The following ANKRD11 variants were observed in gnomAD, a reference collection of about 807,000 sequenced individuals.
ANKRD11 encodes the protein ankyrin repeat domain 11, also known as ankyrin repeat domain-containing protein 11.
In ANKRD11, 17 loss-of-function variants were observed where a neutral mutation model predicts 195.7. That is an observed-to-expected ratio of 0.09 (90% CI 0.06 to 0.13). The LOEUF is 0.13. ANKRD11 is among the 10% of genes least tolerant of loss of function. ANKRD11 has a pLI of 1.00. For missense variants in ANKRD11, 3,735 were observed against 3,566.1 expected, an observed-to-expected ratio of 1.05 and a Z score of -1.21; for synonymous variants, 1,953 against 1,528.1, an observed-to-expected ratio of 1.28 and a Z score of -6.49.
chr16:89,418,131 C>G (rs1371861453), intron 2 of ANKRD11, among the ~76,000 whole-genome samples, 153 bp downstream of exon 2: 1 of 152,212 alleles, frequency 6.6e-6, no homozygotes, highest in East Asian at 1.9e-4. Flanking sequence ...TGAATACACT[C>G]TAAGTGAAAT....
intron 2 of ANKRD11, among the ~76,000 whole-genome samples, chr16:89,402,709 T>G (rs1395374595): frequency 2.9e-5 from 3 of 103,180 alleles, no homozygotes; most frequent in Non-Finnish European, 6.0e-5. Flanking sequence ...TCTGCGAGGT[T>G]AGGAGAGGGG....
In ANKRD11 at chr16:89,281,364, G is replaced by A. The variant is rs200783129; in HGVS notation, c.5178C>T (p.Ser1726=). 62 of 1,610,532 alleles carry A rather than the reference G, an allele frequency of 3.8e-5. No individual in the cohort carries two copies. The African/African-American group carries it at 6.7e-4, about 17-fold the overall frequency. ...EEVMHTPRTP[S]CSADDYADLV... ...GGTCCGCGTAGTCATCGGCGCTGCAGGACGGGGTCCTGGGCGTGTGCATCA... is the reference window on the plus strand; with the variant it reads ...GGTCCGCGTAGTCATCGGCGCTGCAAGACGGGGTCCTGGGCGTGTGCATCA... The change falls in exon 9 of 13, where the codon TCC becomes TCT. Residue 1726 remains serine, a synonymous_variant. Coordinates refer to ENST00000301030, the MANE Select transcript of ANKRD11 (RefSeq NM_013275.6). This position sits in a 1 kb window ranked among gnomAD's most constrained non-coding sequence, Gnocchi z 5.5.
At chr16:89,271,043 C>A in intron 11 of ANKRD11, 134 bp from the exon 12 acceptor site, 1 of 799,268 alleles carries the variant, frequency 1.3e-6, no homozygotes, top group Non-Finnish European at 2.1e-6. Flanking sequence ...ACCGCGCACA[C>A]ACTGAATCAT....
intron 1 of ANKRD11, among the ~76,000 whole-genome samples, chr16:89,435,353 A>G (rs968469695): frequency 6.6e-6 from 1 of 152,228 alleles, no homozygotes; most frequent in African/African-American, 2.4e-5. Flanking sequence ...AGCTGGCCAC[A>G]TGAGCCAGCA....
chr16:89,278,804 G>T (rs564833764), intron 9 of ANKRD11: 1 of 647,782 alleles, frequency 1.5e-6, no homozygotes, highest in Non-Finnish European at 2.9e-6. Flanking sequence ...GAGTGGGACC[G>T]GGGTGCACCC....
rs1216244588 is a variant in ANKRD11, at chr16:89,291,271, C to T, written c.227-88G>A. ...GGTCCTTACCTAATGTTACGGAGCC[C>T]CCTGCGTCCACCTGACAGCTGACAG... is the stretch of plus-strand genomic sequence containing the variant. On this transcript the variant is annotated intron_variant, in intron 4 of 12. Transcript: ENST00000301030. The surrounding 1 kb of genome is among the most constrained non-coding windows in gnomAD (Gnocchi z 5.3). The T allele has an allele frequency of 2.0e-6, 3 of 1,506,276 alleles. No homozygotes were observed. Among genetic ancestry groups the T allele is most frequent in the African/African-American group, 2.8e-5 (2 of 72,608 alleles). The allele number at this position is 1,506,276 out of a possible 1,614,324, so 93.3% of individuals were successfully genotyped here.
intron 2 of ANKRD11, among the ~76,000 whole-genome samples, chr16:89,372,115 G>A (rs76728532): frequency 0.029 from 4,462 of 152,264 alleles, 149 homozygotes; most frequent in African/African-American, 0.075. Context: ...CCCGGCCCTC[G>A]CATGCACACA....
intron 4 of ANKRD11, 165 bp downstream of exon 4, chr16:89,305,041 T>C: frequency 9.3e-7 from 1 of 1,070,278 alleles, no homozygotes; most frequent in Non-Finnish European, 1.3e-6. Context: ...AGGTGGCATG[T>C]GGGGGCCTGT....
chr16:89,292,078 C>A (rs1231207367), intron 4 of ANKRD11, among the ~76,000 whole-genome samples: 1 of 152,164 alleles, frequency 6.6e-6, no homozygotes, highest in African/African-American at 2.4e-5. Context: ...CTCCAGCTGC[C>A]CTGCGGGTTC....
intron 1 of ANKRD11, among the ~76,000 whole-genome samples, chr16:89,485,109 G>C (rs2057563536): frequency 6.6e-6 from 1 of 152,088 alleles, no homozygotes; most frequent in Non-Finnish European, 1.5e-5. Flanking sequence ...AAAAATCTCA[G>C]CCATACAGAC....
chr16:89,290,316 GGGGGGAGGCTCAGGGCTCCAGC>G (rs2034959827), intron 6 of ANKRD11, among the ~76,000 whole-genome samples: 5 of 124,856 alleles, frequency 4.0e-5, no homozygotes, highest in Admixed American at 1.5e-4. Context: ...GGGCTCCAAT[GGGGGGAGGCTCAGGGCTCCAGC>G]GGGGGAGGCT....
In ANKRD11 at chr16:89,280,026, C is replaced by G. The variant is rs1189044909; in HGVS notation, c.6516G>C (p.Gly2172=). The part of the protein sequence containing the change: ...PPEEMPPGAP[G]VINGGDVSTV... The stretch of plus-strand genomic sequence containing the variant: ...TGGAAACATCCCCACCGTTTATGAC[C>G]CCGGGGGCCCCTGGAGGCATCTCTT... The change falls in exon 9 of 13, where the codon GGG becomes GGC. Residue 2172 remains glycine (G), a synonymous_variant. Transcript: ENST00000301030. The G allele has an allele frequency of 1.2e-6, 2 of 1,612,644 alleles. No individual in the cohort carries two copies. The highest frequency in any genetic ancestry group is 1.7e-6 in the Non-Finnish European group (2 of 1,179,960).
chr16:89,461,190 C>T (rs1347669700), intron 1 of ANKRD11, among the ~76,000 whole-genome samples: 2 of 135,730 alleles, frequency 1.5e-5, no homozygotes, highest in Admixed American at 7.1e-5. Context: ...ACCCCCCCCC[C>T]CCCCTTATAG....
intron 2 of ANKRD11, among the ~76,000 whole-genome samples, chr16:89,389,045 T>C (rs1162786752): frequency 6.6e-6 from 1 of 152,174 alleles, no homozygotes; most frequent in Non-Finnish European, 1.5e-5. Flanking sequence ...GTGGAACAAT[T>C]TGAGCAAAAA....
rs368375632 is a variant in ANKRD11 at position 89,305,237 on chromosome 16, G to T, written c.195C>A (p.Gly65=). 3 of 1,613,494 alleles carry T rather than the reference G, an allele frequency of 1.9e-6. No individual in the cohort carries two copies. The highest frequency in any genetic ancestry group is 2.5e-6 in the Non-Finnish European group (3 of 1,179,902). Residue 65 remains glycine (G), a synonymous_variant, in exon 4 of 13, where the codon GGC becomes GGA. Coordinates refer to ENST00000301030, the MANE Select transcript of ANKRD11 (RefSeq NM_013275.6). The part of the protein sequence containing the change: ...ASKRKLPFTA[G]ANGEQKDSDT... Reference sequence around the variant, plus strand: ...CCGAGTCCTTCTGCTCCCCATTGGCGCCCGCGGTGAAGGGCAGCTTCCGCT... The same window carrying T: ...CCGAGTCCTTCTGCTCCCCATTGGCTCCCGCGGTGAAGGGCAGCTTCCGCT...
intron 2 of ANKRD11, among the ~76,000 whole-genome samples, chr16:89,377,237 AC>A (rs781757305): frequency 2.0e-5 from 3 of 152,136 alleles, no homozygotes; most frequent in Non-Finnish European, 4.4e-5. Flanking sequence ...CTCATTACAC[AC>A]AGCATGCTAT....
intron 1 of ANKRD11, among the ~76,000 whole-genome samples, chr16:89,444,775 C>T (rs2152302617): frequency 6.6e-6 from 1 of 152,140 alleles, no homozygotes; most frequent in East Asian, 1.9e-4. Flanking sequence ...CAGATCCCGT[C>T]TCTGTTATAA....
intron 3 of ANKRD11, among the ~76,000 whole-genome samples, chr16:89,313,091 G>T (rs918843061): frequency 5.3e-5 from 8 of 152,206 alleles, no homozygotes; most frequent in African/African-American, 1.9e-4. Context: ...CCAGGTCTCA[G>T]TGGGGCTGTG....
At chr16:89,422,676 C>T (rs2042564717) in intron 1 of ANKRD11, among the ~76,000 whole-genome samples, 1 of 152,158 alleles carries the variant, frequency 6.6e-6, no homozygotes, top group Non-Finnish European at 1.5e-5. Flanking sequence ...CCACGAGCAC[C>T]GTCCGAAACA....
Sources: allele counts gnomAD v4.1 joint callset (sites outside exome capture counted in the v4.1 genomes callset), GRCh38; gene constraint gnomAD v4.1.1; non-coding constraint Gnocchi (gnomAD v3.1); transcripts MANE v1.5; gene names NCBI Gene and HGNC (gene_info 2026-07-23, HGNC 2026-07-21).